PIK3C2G: variants seen among roughly 807,000 people sequenced by gnomAD.
PIK3C2G encodes the protein phosphatidylinositol 3-kinase C2 domain-containing subunit gamma.
A neutral mutation model predicts 181.1 loss-of-function variants in PIK3C2G; 168 were observed. That is an observed-to-expected ratio of 0.93 (90% confidence interval 0.82 to 1.05). The LOEUF (loss-of-function observed/expected upper bound fraction) is 1.05. PIK3C2G is among the 50% of genes least tolerant of loss of function. The pLI, the probability that PIK3C2G is intolerant of heterozygous loss-of-function variation, is 0.00. For missense variants in PIK3C2G, 1,869 were observed against 1,732.8 expected (o/e 1.08, Z -1.40); for synonymous variants, 573 against 592.2 (o/e 0.97, Z 0.47).
intron 18 of PIK3C2G, among the ~76,000 whole-genome samples, chr12:18,448,761 T>C (rs181427924): frequency 2.0e-5 from 3 of 152,000 alleles, no homozygotes; most frequent in East Asian, 1.9e-4. Flanking sequence ...TAATGAAATA[T>C]TGTTACAAAT....
intron 20 of PIK3C2G, among the ~76,000 whole-genome samples, chr12:18,495,196 A>G (rs903656751): frequency 1.3e-5 from 2 of 152,134 alleles, no homozygotes; most frequent in Non-Finnish European, 1.5e-5. Flanking sequence ...TTGAAAGCAT[A>G]GAGTCTTTTT....
chr12:18,700,979 T>C, the PIK3C2G span, among the ~76,000 whole-genome samples: 3 of 64,478 alleles, frequency 4.7e-5, no homozygotes, highest in East Asian at 6.8e-4. Context: ...TTATCAATTA[T>C]AGAGATTTTT....
chr12:18,671,016 A>C, the PIK3C2G span, among the ~76,000 whole-genome samples: 3 of 151,900 alleles, frequency 2.0e-5, no homozygotes, highest in African/African-American at 7.3e-5. Flanking sequence ...TGTCTCCACT[A>C]AAATACAAAA....
intron 20 of PIK3C2G, chr12:18,493,577 G>C (rs1264193566): frequency 6.6e-6 from 1 of 152,258 alleles, no homozygotes; most frequent in African/African-American, 2.4e-5. Flanking sequence ...CCATTGTGGG[G>C]AGAAATCTTA....
intron 18 of PIK3C2G, among the ~76,000 whole-genome samples, chr12:18,476,683 C>T (rs1043952060): frequency 1.3e-5 from 2 of 151,978 alleles, no homozygotes; most frequent in African/African-American, 4.8e-5. Context: ...GAGAGAAGGG[C>T]CAAGGATAAC....
the PIK3C2G span, among the ~76,000 whole-genome samples, chr12:18,674,788 G>A: frequency 2.0e-5 from 3 of 152,098 alleles, no homozygotes; most frequent in Admixed American, 6.6e-5. Context: ...GTTGAAAGTG[G>A]TATGGTATGA....
At chr12:18,724,196 T>G in the PIK3C2G span, among the ~76,000 whole-genome samples, 1 of 152,150 alleles carries the variant, frequency 6.6e-6, no homozygotes, top group East Asian at 1.9e-4. Context: ...TTGGAAGAGT[T>G]AGAGAACTGC....
intron 18 of PIK3C2G, among the ~76,000 whole-genome samples, chr12:18,478,847 A>G (rs2136009645): frequency 6.6e-6 from 1 of 151,990 alleles, no homozygotes; most frequent in African/African-American, 2.4e-5. Flanking sequence ...TGGCGGCGCA[A>G]GCCTGTGGTC....
intron 18 of PIK3C2G, among the ~76,000 whole-genome samples, chr12:18,457,370 T>C (rs568889493): frequency 2.4e-4 from 36 of 152,290 alleles, no homozygotes; most frequent in African/African-American, 8.4e-4. Flanking sequence ...GTACTAATAA[T>C]TTAACAATCA....
chr12:18,654,904 G>A, the PIK3C2G span, among the ~76,000 whole-genome samples: 1 of 152,108 alleles, frequency 6.6e-6, no homozygotes, highest in African/African-American at 2.4e-5. Flanking sequence ...GTCAGAGAGT[G>A]AAGGGAAAGG....
In PIK3C2G at chr12:18,374,240, C is replaced by A. The variant is rs1008059408; in HGVS notation, c.1880+2929C>A. On this transcript the variant is annotated intron_variant, in intron 13 of 32. Coordinates refer to ENST00000538779, the MANE Select transcript of PIK3C2G (RefSeq NM_001288772.2). Reference sequence around the variant, plus strand: ...AAAGCTCCCAAGGTGAGTTTAAAACCTTGAAAAATCAGGATGTTTTTCATA... The same window carrying A: ...AAAGCTCCCAAGGTGAGTTTAAAACATTGAAAAATCAGGATGTTTTTCATA... Among the ~76,000 whole-genome samples, 4 of 152,162 alleles carry A rather than the reference C, an allele frequency of 2.6e-5. No individual in the cohort carries two copies. The East Asian group carries it at 7.7e-4, about 29-fold the overall frequency.
At chr12:18,417,585 C>A (rs1355322777) in intron 16 of PIK3C2G, among the ~76,000 whole-genome samples, 1 of 152,124 alleles carries the variant, frequency 6.6e-6, no homozygotes, top group Non-Finnish European at 1.5e-5. Context: ...CACCCTCCAC[C>A]AGCAAAAAGA....
chr12:18,346,481 G>A (rs747404224), intron 10 of PIK3C2G, among the ~76,000 whole-genome samples, 160 bp from the exon 11 acceptor site: 3 of 152,174 alleles, frequency 2.0e-5, no homozygotes, highest in Non-Finnish European at 4.4e-5. Flanking sequence ...AAACCAGGTT[G>A]CATTCAGAGG....
chr12:18,695,351 A>G, the PIK3C2G span, among the ~76,000 whole-genome samples: 1 of 152,202 alleles, frequency 6.6e-6, no homozygotes, highest in Admixed American at 6.5e-5. Context: ...AGATTACAGA[A>G]TAACAATGTT....
At chr12:18,547,792 T>C (rs1305582094) in intron 26 of PIK3C2G, among the ~76,000 whole-genome samples, 1 of 152,000 alleles carries the variant, frequency 6.6e-6, no homozygotes, top group African/African-American at 2.4e-5. Context: ...TTTGTTTACA[T>C]CTACTAGCAA....
chr12:18,533,174 C>T (rs746465661), intron 24 of PIK3C2G, among the ~76,000 whole-genome samples: 1 of 152,114 alleles, frequency 6.6e-6, no homozygotes. Flanking sequence ...TTCCCAGAAT[C>T]AGAAGTTTCA....
At chr12:18,692,430 G>C in the PIK3C2G span, among the ~76,000 whole-genome samples, 1 of 152,236 alleles carries the variant, frequency 6.6e-6, no homozygotes, top group African/African-American at 2.4e-5. Flanking sequence ...TAGCACTTAG[G>C]TTATAGAGGA....
chr12:18,695,093 G>C, the PIK3C2G span: 2 of 1,609,378 alleles, frequency 1.2e-6, no homozygotes, highest in South Asian at 2.2e-5. Context: ...TAAGAAAGAA[G>C]TATTTTGACA....
Position 18,491,437 on chromosome 12 carries a change from A to G in PIK3C2G, c.2686-14A>G. 1 of 1,321,838 alleles carries G rather than the reference A, an allele frequency of 7.6e-7. No homozygotes were observed. Among genetic ancestry groups the G allele is most frequent in the African/African-American group, 1.5e-5 (1 of 68,118 alleles). 81.9% of individuals were successfully genotyped at this position (1,321,838 alleles called of 1,614,324 possible). On this transcript the variant is annotated splice_polypyrimidine_tract_variant and intron_variant, in intron 19 of 32. Coordinates refer to ENST00000538779, the MANE Select transcript of PIK3C2G (RefSeq NM_001288772.2). ...TACATTTTCTTAAATCCTTTTTCTA[A>G]TGATTTTTCACAGGAGGTACTGAAG...
Sources: allele counts gnomAD v4.1 joint callset (sites outside exome capture counted in the v4.1 genomes callset), GRCh38; gene constraint gnomAD v4.1.1; transcripts MANE v1.5; gene names NCBI Gene and HGNC (gene_info 2026-07-23, HGNC 2026-07-21).